Variants in SORCS2 observed in about 807,000 individuals in gnomAD.
SORCS2 encodes sortilin related VPS10 domain containing receptor 2, also known as VPS10 domain-containing receptor SorCS2.
A neutral mutation model predicts 141.6 loss-of-function variants in SORCS2; 100 were observed. That is an observed-to-expected ratio of 0.71 (90% CI 0.60 to 0.83). The LOEUF is 0.83. SORCS2 is among the 40% of genes least tolerant of loss of function. SORCS2 has a pLI of 0.00. For missense variants in SORCS2, 1,646 were observed against 1,560.2 expected, an observed-to-expected ratio of 1.05 and a Z score of -0.93; for synonymous variants, 789 against 676.9, an observed-to-expected ratio of 1.17 and a Z score of -2.57.
intron 3 of SORCS2, among the ~76,000 whole-genome samples, chr4:7,618,849 C>T (rs546204041): frequency 5.3e-4 from 81 of 152,136 alleles, no homozygotes; most frequent in African/African-American, 1.7e-3. Context: ...CACACACACA[C>T]ACACACACAA....
Position 7,456,580 on chromosome 4 carries a change from C to T in SORCS2, c.548+60225C>T, listed in dbSNP as rs559099240. 2.0e-5 allele frequency among the ~76,000 whole-genome samples: 3 copies of T among 152,222 alleles called. No homozygotes were observed. In the South Asian group the frequency reaches 6.2e-4, roughly 32 times the overall value. On this transcript the variant is annotated intron_variant, in intron 2 of 26. Transcript: ENST00000507866. The stretch of plus-strand genomic sequence containing the variant: ...AATGGTGTTTGGAGCTTGGGGGATG[C>T]TTGGAGAAGAAGGTGGCTTCTGTGA...
intron 2 of SORCS2, among the ~76,000 whole-genome samples, chr4:7,438,854 T>C (rs10002322): frequency 0.48 from 73,208 of 151,876 alleles, 18,198 homozygotes; most frequent in African/African-American, 0.61. Context: ...TCCCCACACA[T>C]GTATATATTT....
Position 7,380,987 on chromosome 4 carries a change from C to T in SORCS2, c.481-15301C>T, listed in dbSNP as rs188144252. The stretch of plus-strand genomic sequence containing the variant: ...GTCCCAGCTACTCGGGAGGCTGAGG[C>T]AGGAGAATCGCTTGAACCCGGGAGG... On this transcript the variant is annotated intron_variant, in intron 1 of 26. Coordinates refer to ENST00000507866, the MANE Select transcript of SORCS2 (RefSeq NM_020777.3). 7.4e-3 allele frequency among the ~76,000 whole-genome samples: 1,102 copies of T among 149,870 alleles called. 15 individuals are homozygous for T. Among genetic ancestry groups the T allele is most frequent in the African/African-American group, 0.026 (1,054 of 40,410 alleles).
At chr4:7,728,822 C>T (rs777289919) in intron 22 of SORCS2, among the ~76,000 whole-genome samples, 60 of 152,196 alleles carry the variant, frequency 3.9e-4, no homozygotes, top group Non-Finnish European at 7.2e-4. Context: ...CTCTTCTGGG[C>T]TGGACACAAG....
chr4:7,558,070 G>C (rs376946718), intron 3 of SORCS2, among the ~76,000 whole-genome samples: 3 of 152,336 alleles, frequency 2.0e-5, no homozygotes, highest in South Asian at 4.1e-4. Context: ...TGAGTGAGGA[G>C]GGGTCCTGGA....
At position 7,489,094 on chromosome 4, in the gene SORCS2, C is replaced by T. The variant is rs151031188; in HGVS notation, c.549-42436C>T. Among the ~76,000 whole-genome samples, 1,414 of 152,318 alleles carry T rather than the reference C, an allele frequency of 9.3e-3. 9 individuals are homozygous for T. Among genetic ancestry groups the T allele is most frequent in the Non-Finnish European group, 0.015 (1,051 of 68,034 alleles). ...CCCACATTTCAGTTGGGGATATGGT[C>T]GCTAACCAAATGGTTGCACAGACAG... On this transcript the variant is annotated intron_variant, in intron 2 of 26. Transcript: ENST00000507866.
At chr4:7,212,086 TGAAAA>T (rs1388524240) in intron 1 of SORCS2, among the ~76,000 whole-genome samples, 1 of 152,166 alleles carries the variant, frequency 6.6e-6, no homozygotes, top group Non-Finnish European at 1.5e-5. Context: ...GATATTCTTC[TGAAAA>T]GAAAAGATGG....
rs770508380 is a variant in SORCS2 at position 7,433,979 on chromosome 4, C to T, written c.548+37624C>T. The T allele has an allele frequency of 2.5e-6, 4 of 1,613,830 alleles. No homozygotes were observed. The South Asian group carries it at 4.4e-5, about 18-fold the overall frequency. On this transcript the variant is annotated intron_variant, in intron 2 of 26. Coordinates refer to ENST00000507866, the MANE Select transcript of SORCS2 (RefSeq NM_020777.3). ...ATGAGCCAGTGGTCCAGCTTCTGCA[C>T]CACGTTCATGCACACCTCACAGGTC...
At chr4:7,365,469 A>T (rs577206121) in intron 1 of SORCS2, among the ~76,000 whole-genome samples, 1 of 152,272 alleles carries the variant, frequency 6.6e-6, no homozygotes, top group East Asian at 1.9e-4. Flanking sequence ...TGGGGTGTCC[A>T]CCAGAGCTGT....
At chr4:7,319,913 C>T (rs956546898) in intron 1 of SORCS2, among the ~76,000 whole-genome samples, 2 of 152,214 alleles carry the variant, frequency 1.3e-5, no homozygotes, top group African/African-American at 2.4e-5. Flanking sequence ...TTCCCCCCAC[C>T]CTGCCTCTTT....
intron 2 of SORCS2, chr4:7,434,376 A>G (rs2109238030): frequency 7.5e-6 from 12 of 1,607,658 alleles, no homozygotes; most frequent in East Asian, 2.2e-5. Flanking sequence ...TAAGGGGCCC[A>G]TTGGCCATGA....
chr4:7,194,565 C>T (rs1278260315), intron 1 of SORCS2, among the ~76,000 whole-genome samples: 1 of 152,114 alleles, frequency 6.6e-6, no homozygotes, highest in East Asian at 1.9e-4. Context: ...GACTAGCAGC[C>T]CTTGGAGGGG....
intron 2 of SORCS2, among the ~76,000 whole-genome samples, chr4:7,509,651 C>T (rs568329923): frequency 2.0e-5 from 3 of 152,260 alleles, no homozygotes; most frequent in South Asian, 2.1e-4. Context: ...CCTTGTGGGG[C>T]GAGGAAGGCC....
chr4:7,454,428 G>A (rs796330333), intron 2 of SORCS2, among the ~76,000 whole-genome samples: 11 of 147,170 alleles, frequency 7.5e-5, no homozygotes, highest in African/African-American at 2.5e-4. Context: ...GTCAGGCTCC[G>A]TGTTGGAGTC....
intron 1 of SORCS2, among the ~76,000 whole-genome samples, chr4:7,314,624 C>T (rs1236999391): frequency 2.0e-5 from 3 of 152,132 alleles, no homozygotes; most frequent in East Asian, 1.9e-4. Context: ...CAGGCGTGAG[C>T]CACCGCACCC....
chr4:7,704,089 C>A, intron 13 of SORCS2, 88 bp from the exon 14 acceptor site: 1 of 1,209,360 alleles, frequency 8.3e-7, no homozygotes, highest in Non-Finnish European at 1.2e-6. Context: ...GCAGCCTCCG[C>A]CCCTCCAGCT....
At chr4:7,213,518 C>T (rs1446635026) in intron 1 of SORCS2, among the ~76,000 whole-genome samples, 1 of 152,248 alleles carries the variant, frequency 6.6e-6, no homozygotes, top group African/African-American at 2.4e-5. Context: ...TGTGGCCACA[C>T]TCATTCAGTG....
chr4:7,328,378 G>T (rs1338476203), intron 1 of SORCS2, among the ~76,000 whole-genome samples: 1 of 151,940 alleles, frequency 6.6e-6, no homozygotes, highest in East Asian at 1.9e-4. Context: ...AATCCTCAGG[G>T]CTCTTCTAGG....
chr4:7,506,845 G>C lies in SORCS2; in HGVS notation c.549-24685G>C, dbSNP rs562585992. Among the ~76,000 whole-genome samples the C allele has an allele frequency of 3.9e-5, 6 of 152,290 alleles. No individual in the cohort carries two copies. The South Asian group carries it at 1.2e-3, about 32-fold the overall frequency. On this transcript the variant is annotated intron_variant, in intron 2 of 26. Coordinates refer to ENST00000507866, the MANE Select transcript of SORCS2 (RefSeq NM_020777.3). ...GTAGACACTTGTCCCTCAATACACA[G>C]ATACAAAACAACAAACAAATGAAAC...
Sources: gnomAD v4.1 joint callset for allele counts (sites outside exome capture counted in the v4.1 genomes callset) on GRCh38, gnomAD v4.1.1 for gene constraint, MANE v1.5 for transcripts, NCBI Gene and HGNC (gene_info 2026-07-23, HGNC 2026-07-21) for gene names.